Variants in HYLS1 observed in about 807,000 individuals in gnomAD.
The protein encoded by HYLS1 is HYLS1 centriolar and ciliogenesis associated, also known as centriolar and ciliogenesis-associated protein HYLS1.
HYLS1 carries 25 observed loss-of-function variants against 29.4 expected under a neutral mutation model. The ratio of observed to expected loss-of-function variants is 0.85; its 90% CI spans 0.62 to 1.19. The LOEUF (loss-of-function observed/expected upper bound fraction) is 1.19. HYLS1 is among the 50% of genes most tolerant of loss of function. The probability of loss-of-function intolerance (pLI) is 0.00; values close to 1 mark genes in which losing one functional copy is unlikely to be tolerated. For missense variants in HYLS1, 352 were observed against 365.1 expected (o/e 0.96, Z 0.29); for synonymous variants, 128 against 126.7 (o/e 1.01, Z -0.07).
At chr11:125,887,187 C>T (rs1024408584), upstream of HYLS1, 9 of 152,394 alleles carry the variant, frequency 5.9e-5, no homozygotes, top group African/African-American at 1.9e-4. Context: ...GCGGACTCAC[C>T]CCAGACTGTT....
At chr11:125,886,176 TATG>T (rs1452888388), upstream of HYLS1, among the ~76,000 whole-genome samples, 3 of 152,146 alleles carry the variant, frequency 2.0e-5, no homozygotes, top group Non-Finnish European at 2.9e-5. Context: ...AAAGGAGTGT[TATG>T]ATATTGCAGA....
At chr11:125,888,290 T>G (rs571681914) in intron 1 of HYLS1, 1 of 152,360 alleles carries the variant, frequency 6.6e-6, no homozygotes, top group South Asian at 2.1e-4. Flanking sequence ...GAAATAAATC[T>G]TTTTTATTCT....
In HYLS1 at chr11:125,900,393, C is replaced by A; in HGVS notation, c.*125C>A. ...ATTTTATGGTAAGGACTTCACCTATCATTGGTCTTTCCTAGCTATATATCA... is the reference window on the plus strand; with the variant it reads ...ATTTTATGGTAAGGACTTCACCTATAATTGGTCTTTCCTAGCTATATATCA... On this transcript the variant is annotated 3_prime_UTR_variant, in exon 3 of 3. Transcript: ENST00000425380. 1 of 888,586 alleles carries A rather than the reference C, an allele frequency of 1.1e-6. No individual in the cohort carries two copies. Among genetic ancestry groups the A allele is most frequent in the Non-Finnish European group, 1.8e-6 (1 of 557,054 alleles). 55.0% of individuals were successfully genotyped at this position (888,586 alleles called of 1,614,324 possible). A position where few individuals can be genotyped will look rare whatever the true frequency, so the allele number is the denominator to read the frequency against.
In HYLS1 at chr11:125,894,011, T is replaced by C. The variant is rs2134239936; in HGVS notation, c.-26+2539T>C. On this transcript the variant is annotated intron_variant, in intron 2 of 2. Coordinates refer to ENST00000425380, the MANE Select transcript of HYLS1 (RefSeq NM_001134793.2). ...CATGAGGGGCTTATATGTGCGCATCTTCACTCCTTCTACAAAGGCACTGGT... is the reference window on the plus strand; with the variant it reads ...CATGAGGGGCTTATATGTGCGCATCCTCACTCCTTCTACAAAGGCACTGGT... 2 of 1,614,208 alleles carry C rather than the reference T, an allele frequency of 1.2e-6. No individual in the cohort carries two copies. Among genetic ancestry groups the C allele is most frequent in the Non-Finnish European group, 1.7e-6 (2 of 1,180,032 alleles).
chr11:125,899,623 C>T lies in HYLS1; in HGVS notation c.255C>T (p.Ala85=). 1 of 1,614,172 alleles carries T rather than the reference C, an allele frequency of 6.2e-7. No individual in the cohort carries two copies. ...TCCCTTCAGAAACAGTCTCTGAGGC[C>T]TCCCAAAGACTCCGAAAGCCAGTGA... ...SNVPSETVSE[A]SQRLRKPVMK... The change falls in exon 3 of 3, where the codon GCC becomes GCT. Residue 85 remains alanine, a synonymous_variant. Transcript: ENST00000425380.
In HYLS1 at chr11:125,887,696, T is replaced by C. The variant is rs1944330077; in HGVS notation, c.-145T>C. On this transcript the variant is annotated 5_prime_UTR_variant, in exon 1 of 3. Transcript: ENST00000425380. ...GCGCCTGCGCAAGTTACGCGAAAGC[T>C]AACAGAATCTGCGGTGCTCTGCTGG... is the stretch of plus-strand genomic sequence containing the variant. The C allele has an allele frequency of 6.6e-6, 1 of 152,306 alleles. No homozygotes were observed. The highest frequency in any genetic ancestry group is 1.5e-5 in the Non-Finnish European group (1 of 68,076). The allele number at this position is 152,306 out of a possible 1,614,324, so 9.4% of individuals were successfully genotyped here.
At chr11:125,885,231 C>T (rs1384905305), upstream of HYLS1, among the ~76,000 whole-genome samples, 1 of 152,088 alleles carries the variant, frequency 6.6e-6, no homozygotes, top group African/African-American at 2.4e-5. Flanking sequence ...GCTGGCGGAT[C>T]GCTTGAGGTC....
intron 2 of HYLS1, among the ~76,000 whole-genome samples, chr11:125,898,482 C>T (rs1944659548): frequency 6.6e-6 from 1 of 152,162 alleles, no homozygotes; most frequent in African/African-American, 2.4e-5. Flanking sequence ...TGAGACCAGC[C>T]TGGCTAACAT....
At chr11:125,895,814 G>T in intron 2 of HYLS1, 1 of 1,581,056 alleles carries the variant, frequency 6.3e-7, no homozygotes, top group Non-Finnish European at 8.6e-7. Flanking sequence ...AAAGATACTG[G>T]GTTTTAGAGA....
At chr11:125,899,033 A>G (rs1359894106) in intron 2 of HYLS1, 4 of 265,416 alleles carry the variant, frequency 1.5e-5, no homozygotes, top group African/African-American at 8.6e-5. Context: ...CATAATGTGC[A>G]TTAAGCAGTA....
upstream of HYLS1, chr11:125,887,658 G>T (rs953735567): frequency 6.6e-6 from 1 of 152,356 alleles, no homozygotes; most frequent in African/African-American, 2.4e-5. Flanking sequence ...GGCTCGGCGC[G>T]TGGGCCGGCA....
intron 1 of HYLS1, among the ~76,000 whole-genome samples, chr11:125,889,966 C>T (rs1944381589): frequency 2.0e-5 from 3 of 152,124 alleles, no homozygotes; most frequent in South Asian, 2.1e-4. Context: ...TAGAAACAGA[C>T]GTTGGCTTTG....
At position 125,899,931 on chromosome 11, in the gene HYLS1, T is replaced by C. The variant is rs1944712302; in HGVS notation, c.563T>C (p.Val188Ala). ...CCAGCTTACGAACAAGACCTGATTG[T>C]TGCCAGCAGACCCAAGTCCTTTATT... ...GSPAYEQDLI[V>A]ASRPKSFILP... The change falls in exon 3 of 3, where the codon GTT becomes GCT. Residue 188 changes from valine (V) to alanine (A), a missense_variant. Coordinates refer to ENST00000425380, the MANE Select transcript of HYLS1 (RefSeq NM_001134793.2). The C allele has an allele frequency of 6.2e-7, 1 of 1,614,098 alleles. No homozygotes were observed. The highest frequency in any genetic ancestry group is 1.7e-5 in the Admixed American group (1 of 60,004).
chr11:125,896,168 T>C (rs760930669), intron 2 of HYLS1: 24 of 1,614,228 alleles, frequency 1.5e-5, no homozygotes, highest in Non-Finnish European at 2.0e-5. Flanking sequence ...CTCTAATGTT[T>C]GAGTCCTCCT....
upstream of HYLS1, among the ~76,000 whole-genome samples, chr11:125,886,565 G>T (rs531222432): frequency 8.8e-6 from 1 of 113,552 alleles, no homozygotes; most frequent in Non-Finnish European, 1.7e-5. Context: ...CAATCCCCAA[G>T]CACTAGATTT....
At chr11:125,894,198 T>G in intron 2 of HYLS1, 1 of 1,614,110 alleles carries the variant, frequency 6.2e-7, no homozygotes, top group Non-Finnish European at 8.5e-7. Context: ...AGGTGGGTAA[T>G]ATTGAACTCC....
At chr11:125,889,883 A>C (rs1944380487) in intron 1 of HYLS1, among the ~76,000 whole-genome samples, 1 of 152,188 alleles carries the variant, frequency 6.6e-6, no homozygotes, top group Non-Finnish European at 1.5e-5. Context: ...TCAATCTGAA[A>C]TGATGTCTTA....
chr11:125,886,762 T>G (rs963469280), upstream of HYLS1, among the ~76,000 whole-genome samples: 1 of 151,166 alleles, frequency 6.6e-6, no homozygotes, highest in Non-Finnish European at 1.5e-5. Flanking sequence ...AAATACAAAA[T>G]TAGCCGGGCA....
upstream of HYLS1, among the ~76,000 whole-genome samples, chr11:125,886,808 G>A (rs1944312511): frequency 6.6e-6 from 1 of 151,104 alleles, no homozygotes; most frequent in South Asian, 2.1e-4. Flanking sequence ...CTGCTCGGGA[G>A]GCTGAGGCAG....
Sources: gnomAD v4.1 joint callset for allele counts (sites outside exome capture counted in the v4.1 genomes callset) on GRCh38, gnomAD v4.1.1 for gene constraint, MANE v1.5 for transcripts, NCBI Gene and HGNC (gene_info 2026-07-23, HGNC 2026-07-21) for gene names.